The following CCSER1 variants were observed in gnomAD, a reference collection of about 807,000 sequenced individuals.
CCSER1 encodes the protein coiled-coil serine rich protein 1.
In CCSER1, 41 loss-of-function variants were observed where a neutral mutation model predicts 82.0. The ratio of observed to expected loss-of-function variants is 0.50; its 90% confidence interval spans 0.39 to 0.65. CCSER1 has a LOEUF of 0.65. Among genes scored for constraint, CCSER1 ranks in the 30% least tolerant of loss-of-function variants. The pLI is 0.00. For synonymous variants in CCSER1, 414 were observed against 383.9 expected (o/e 1.08, Z -0.92); for missense variants, 1,119 against 1,064.2 (o/e 1.05, Z -0.72).
intron 10 of CCSER1, among the ~76,000 whole-genome samples, chr4:91,166,728 G>GT (rs1732121835): frequency 6.7e-6 from 1 of 149,086 alleles, no homozygotes; most frequent in Admixed American, 6.7e-5. Context: ...AGTTGTTGTT[G>GT]TTTTTTTAAC....
chr4:91,354,417 G>A (rs1454968585), intron 10 of CCSER1, among the ~76,000 whole-genome samples: 1 of 152,130 alleles, frequency 6.6e-6, no homozygotes, highest in Admixed American at 6.6e-5. Flanking sequence ...CATAAGCTCT[G>A]TGTCCACATA....
At chr4:90,305,514 T>A (rs950510791) in intron 1 of CCSER1, among the ~76,000 whole-genome samples, 2 of 152,236 alleles carry the variant, frequency 1.3e-5, no homozygotes. Flanking sequence ...AAAAAATGTA[T>A]TATTCATTGT....
intron 1 of CCSER1, among the ~76,000 whole-genome samples, chr4:90,237,979 G>T (rs1245599050): frequency 6.6e-6 from 1 of 152,132 alleles, no homozygotes; most frequent in Admixed American, 6.5e-5. Context: ...CAAAATTGTG[G>T]TCTTGCTCCC....
chr4:91,479,848 C>T (rs1178902527), intron 10 of CCSER1, among the ~76,000 whole-genome samples: 14 of 144,254 alleles, frequency 9.7e-5, no homozygotes, highest in Admixed American at 6.3e-4. Flanking sequence ...CCCACTAACT[C>T]GTCATCTAGC....
intron 10 of CCSER1, among the ~76,000 whole-genome samples, chr4:91,558,359 A>C (rs1762500445): frequency 6.6e-6 from 1 of 151,696 alleles, no homozygotes; most frequent in African/African-American, 2.4e-5. Flanking sequence ...ATAATTATTA[A>C]GAACCATCAA....
chr4:90,719,876 A>G (rs1391497623), intron 6 of CCSER1, among the ~76,000 whole-genome samples: 1 of 152,124 alleles, frequency 6.6e-6, no homozygotes, highest in African/African-American at 2.4e-5. Flanking sequence ...GGGTGGGAAT[A>G]GGGTGTTAAG....
At chr4:91,467,098 T>G (rs1756956058) in intron 10 of CCSER1, among the ~76,000 whole-genome samples, 1 of 152,128 alleles carries the variant, frequency 6.6e-6, no homozygotes, top group South Asian at 2.1e-4. Context: ...CTACCTGACT[T>G]CAAACTATAC....
chr4:90,351,321 C>T (rs768621322), intron 3 of CCSER1, among the ~76,000 whole-genome samples: 2 of 152,066 alleles, frequency 1.3e-5, no homozygotes, highest in Non-Finnish European at 2.9e-5. Flanking sequence ...TTGGTGTTCA[C>T]TTGGAGAAAA....
chr4:90,368,928 C>T (rs532204471), intron 3 of CCSER1, among the ~76,000 whole-genome samples: 67 of 151,852 alleles, frequency 4.4e-4, no homozygotes, highest in African/African-American at 1.3e-3. Flanking sequence ...GAAATACAAA[C>T]CCTTAACCAT....
intron 5 of CCSER1, among the ~76,000 whole-genome samples, chr4:90,528,357 G>T (rs1774052103): frequency 6.6e-6 from 1 of 151,908 alleles, no homozygotes; most frequent in South Asian, 2.1e-4. Flanking sequence ...GTTTTTCTTT[G>T]CTGCCCCATC....
At chr4:90,222,614 C>T (rs948679692) in intron 1 of CCSER1, among the ~76,000 whole-genome samples, 2 of 152,152 alleles carry the variant, frequency 1.3e-5, no homozygotes, top group Admixed American at 1.3e-4. Context: ...ATCTAAATTT[C>T]AAAGTGCCTT....
At chr4:90,748,787 G>A (rs1267370304) in intron 7 of CCSER1, among the ~76,000 whole-genome samples, 1 of 150,286 alleles carries the variant, frequency 6.7e-6, no homozygotes, top group Non-Finnish European at 1.5e-5. Flanking sequence ...CTGATGGCCA[G>A]TGATGATGAG....
At chr4:91,376,358 A>G (rs1440671634) in intron 10 of CCSER1, among the ~76,000 whole-genome samples, 1 of 152,186 alleles carries the variant, frequency 6.6e-6, no homozygotes, top group Non-Finnish European at 1.5e-5. Context: ...ACCTTTGAGC[A>G]TGTGATAGTG....
chr4:91,085,910 T>G, intron 9 of CCSER1, 40 bp from the exon 10 acceptor site: 1 of 1,129,522 alleles, frequency 8.9e-7, no homozygotes, highest in South Asian at 1.4e-5. Flanking sequence ...TATTTAATTC[T>G]TCGTTGCCAA....
At chr4:91,078,926 T>C (rs983534464) in intron 9 of CCSER1, among the ~76,000 whole-genome samples, 4 of 152,140 alleles carry the variant, frequency 2.6e-5, no homozygotes, top group African/African-American at 9.7e-5. Context: ...TATGGGACTA[T>C]GTGAAAAGAC....
At chr4:90,385,990 G>A (rs533949334) in intron 3 of CCSER1, among the ~76,000 whole-genome samples, 2 of 152,140 alleles carry the variant, frequency 1.3e-5, no homozygotes, top group South Asian at 4.2e-4. Flanking sequence ...CCAAAACACT[G>A]ATGAAACAAA....
intron 9 of CCSER1, among the ~76,000 whole-genome samples, chr4:90,930,633 G>GA (rs988094074): frequency 2.7e-5 from 4 of 148,100 alleles, no homozygotes; most frequent in African/African-American, 9.9e-5. Flanking sequence ...AAAAGGAAAA[G>GA]AAAAAAAAAG....
intron 9 of CCSER1, among the ~76,000 whole-genome samples, chr4:91,079,230 CA>C (rs1310923401): frequency 1.3e-5 from 2 of 152,164 alleles, no homozygotes; most frequent in African/African-American, 4.8e-5. Flanking sequence ...GATCTCTCAG[CA>C]GAAACTCTAC....
At chr4:90,423,677 AT>A (rs1272583231) in intron 4 of CCSER1, among the ~76,000 whole-genome samples, 1 of 151,734 alleles carries the variant, frequency 6.6e-6, no homozygotes, top group Non-Finnish European at 1.5e-5. Context: ...GGATTTTACC[AT>A]GTTGCCCAGG....
Sources: gnomAD v4.1 joint callset for allele counts (sites outside exome capture counted in the v4.1 genomes callset) on GRCh38, gnomAD v4.1.1 for gene constraint, MANE v1.5 for transcripts, NCBI Gene and HGNC (gene_info 2026-07-23, HGNC 2026-07-21) for gene names.